Variants in ZBBX observed in about 807,000 individuals in gnomAD.
ZBBX encodes zinc finger B-box domain containing.
Under a neutral mutation model 108.5 loss-of-function variants are expected in ZBBX, and 101 were observed. The observed-to-expected ratio is 0.93, with a 90% CI of 0.79 to 1.10. ZBBX has a LOEUF of 1.10. Ranked by LOEUF, ZBBX falls within the 50% of genes least tolerant of loss-of-function variation. ZBBX has a pLI of 0.00. For synonymous variants in ZBBX, 356 were observed against 323.4 expected, an observed-to-expected ratio of 1.10 and a Z score of -1.08; for missense variants, 1,009 against 941.4, an observed-to-expected ratio of 1.07 and a Z score of -0.94.
At chr3:167,380,505 T>C (rs1038763769), upstream of ZBBX, 15 of 152,214 alleles carry the variant, frequency 9.9e-5, no homozygotes, top group South Asian at 2.1e-4. Flanking sequence ...GGAGATTATG[T>C]ATGTGCTAAA....
chr3:167,332,303 A>G (rs1303637994), intron 10 of ZBBX, among the ~76,000 whole-genome samples: 1 of 151,598 alleles, frequency 6.6e-6, no homozygotes, highest in Non-Finnish European at 1.5e-5. Flanking sequence ...ACACACACAC[A>G]CACGTCTGAA....
intron 1 of ZBBX, among the ~76,000 whole-genome samples, chr3:167,394,835 G>A (rs1406718400): frequency 3.3e-5 from 5 of 151,984 alleles, no homozygotes; most frequent in Non-Finnish European, 7.4e-5. Flanking sequence ...TGATTTAGTC[G>A]ATCCGAGGTG....
intron 9 of ZBBX, among the ~76,000 whole-genome samples, chr3:167,346,932 A>G (rs1741572827): frequency 6.6e-6 from 1 of 151,990 alleles, no homozygotes; most frequent in Non-Finnish European, 1.5e-5. Context: ...ATTGATTAAA[A>G]TCAAGAAATG....
At chr3:167,391,266 TG>T (rs1748077963) in intron 1 of ZBBX, among the ~76,000 whole-genome samples, 2 of 152,176 alleles carry the variant, frequency 1.3e-5, no homozygotes, top group Non-Finnish European at 2.9e-5. Flanking sequence ...TTATTGGTTT[TG>T]TTTATGTGAT....
chr3:167,186,914 T>C, the ZBBX span, among the ~76,000 whole-genome samples: 1 of 152,202 alleles, frequency 6.6e-6, no homozygotes, highest in African/African-American at 2.4e-5. Flanking sequence ...TTTTCTCATT[T>C]TAAATTTTAC....
At chr3:167,207,544 T>C in the ZBBX span, among the ~76,000 whole-genome samples, 3 of 152,192 alleles carry the variant, frequency 2.0e-5, no homozygotes, top group Non-Finnish European at 2.9e-5. Context: ...ATGTGGTGTA[T>C]ATATACACAA....
At chr3:167,342,561 A>T (rs1740717930) in intron 9 of ZBBX, among the ~76,000 whole-genome samples, 1 of 151,742 alleles carries the variant, frequency 6.6e-6, no homozygotes, top group Admixed American at 6.6e-5. Context: ...AACCGTAGGT[A>T]CCATGTTGTA....
chr3:167,284,511 A>C (rs1177754482), intron 19 of ZBBX, among the ~76,000 whole-genome samples: 4 of 152,192 alleles, frequency 2.6e-5, no homozygotes, highest in Non-Finnish European at 5.9e-5. Context: ...CCAAACGAAA[A>C]TACTATGAGT....
rs1577087862 is a variant in ZBBX at position 167,360,713 on chromosome 3, C to G, written c.284G>C (p.Gly95Ala). Residue 95 changes from glycine (G) to alanine (A), a missense_variant, in exon 7 of 22, where the codon GGA becomes GCA. By Grantham distance (60) the Gly-to-Ala change is moderately conservative. Transcript: ENST00000675490. ...CTTCAGCAATTTTAATTTCACTTTT[C>G]CAGCAGAAAACTGTATTAATAAAAT... ...NKGNVVKFSAGKVKLKLLKEQ... is the reference protein window; with the variant it reads ...NKGNVVKFSAAKVKLKLLKEQ... 1 of 1,389,908 alleles carries G rather than the reference C, an allele frequency of 7.2e-7. No individual in the cohort carries two copies. The highest frequency in any genetic ancestry group is 9.4e-7 in the Non-Finnish European group (1 of 1,061,676). 86.1% of individuals were successfully genotyped at this position (1,389,908 alleles called of 1,614,324 possible).
chr3:167,358,130 C>T (rs1743894148), intron 8 of ZBBX, among the ~76,000 whole-genome samples: 1 of 151,474 alleles, frequency 6.6e-6, no homozygotes, highest in Admixed American at 6.6e-5. Flanking sequence ...AACTAACCTG[C>T]ACATTGTGCA....
At chr3:167,361,856 A>T (rs1162104586) in intron 6 of ZBBX, among the ~76,000 whole-genome samples, 2 of 152,190 alleles carry the variant, frequency 1.3e-5, no homozygotes, top group Non-Finnish European at 2.9e-5. Context: ...GTTGTAGGCT[A>T]CCCTGGATGG....
At chr3:167,242,471 C>A in intron 21 of ZBBX, 34 bp downstream of exon 21, 2 of 1,557,676 alleles carry the variant, frequency 1.3e-6, no homozygotes, top group South Asian at 1.2e-5. Flanking sequence ...TTACTACATA[C>A]TATATTAATA....
In ZBBX at chr3:167,342,054, A is replaced by G. The variant is rs140160731; in HGVS notation, c.529-8069T>C. Among the ~76,000 whole-genome samples, 67 of 152,026 alleles carry G rather than the reference A, an allele frequency of 4.4e-4. No homozygotes were observed. In the East Asian group the frequency reaches 0.012, roughly 28 times the overall value. ...TAAGGAAGAAATTTCATATGAAATG[A>G]AATGAATAACATCTTTAGGTATAGA... On this transcript the variant is annotated intron_variant, in intron 9 of 21. Transcript: ENST00000675490.
rs150556291 is a variant in ZBBX at position 167,374,139 on chromosome 3, TTA to T, written c.-131-354_-131-353del. ...ATACAATCTAAACCCAATATCCTTT[TTA>T]TATATATATATGGTTATATAAAATG... On this transcript the variant is annotated intron_variant, in intron 2 of 21. Coordinates refer to ENST00000675490, the MANE Select transcript of ZBBX (RefSeq NM_001199201.2). 1.9e-3 allele frequency among the ~76,000 whole-genome samples: 292 copies of T among 151,684 alleles called. 1 individual carries two copies. The highest frequency in any genetic ancestry group is 6.9e-3 in the African/African-American group (287 of 41,388).
intron 1 of ZBBX, among the ~76,000 whole-genome samples, chr3:167,398,634 A>T (rs939525974): frequency 6.6e-6 from 1 of 152,088 alleles, no homozygotes; most frequent in African/African-American, 2.4e-5. Context: ...TACCTAAAGA[A>T]TTATGATAGC....
At chr3:167,339,186 C>T (rs1312612481) in intron 9 of ZBBX, among the ~76,000 whole-genome samples, 2 of 151,914 alleles carry the variant, frequency 1.3e-5, no homozygotes, top group Non-Finnish European at 2.9e-5. Flanking sequence ...TTTCTTACAA[C>T]TAAAGCCAAA....
chr3:167,240,834 T>C lies in ZBBX; in HGVS notation c.2479A>G (p.Lys827Glu), dbSNP rs1231595378. The C allele has an allele frequency of 6.2e-7, 1 of 1,613,638 alleles. No homozygotes were observed. The highest frequency in any genetic ancestry group is 8.5e-7 in the Non-Finnish European group (1 of 1,179,628). Residue 827 changes from lysine (K) to glutamate (E), a missense_variant, in exon 22 of 22, where the codon AAG becomes GAG. By Grantham distance (56) the Lys-to-Glu change is moderately conservative. Transcript: ENST00000675490. ...CACGGTAGTGTGATGACATGTTGCT[T>C]GTTGAGAAAATCTTCCTCCTCCTCA... ...TDEEEEDFLN[K>E]QHVITLPWSK...
At position 167,282,388 on chromosome 3, in the gene ZBBX, C is replaced by G. The variant is rs377300627; in HGVS notation, c.2104G>C (p.Ala702Pro). 3.7e-6 allele frequency: 6 copies of G among 1,614,014 alleles called. No homozygotes were observed. In the African/African-American group the frequency reaches 8.0e-5, roughly 22 times the overall value. Reference sequence around the variant, plus strand: ...GAAGCAGCTCTAGATGATGATTGAGCAGCTGCACTTCTTGATCGAGGATGA... The same window carrying G: ...GAAGCAGCTCTAGATGATGATTGAGGAGCTGCACTTCTTGATCGAGGATGA... Reference protein sequence around the residue: ...SSHPRSRSAAAQSSSRAASEI... With the variant: ...SSHPRSRSAAPQSSSRAASEI... The change falls in exon 20 of 22, where the codon GCT becomes CCT. Residue 702 changes from alanine (A) to proline (P), a missense_variant. Physicochemically the swap from Ala to Pro is conservative, Grantham distance 27. Coordinates refer to ENST00000675490, the MANE Select transcript of ZBBX (RefSeq NM_001199201.2).
chr3:167,350,429 A>C lies in ZBBX; in HGVS notation c.519T>G (p.Thr173=), dbSNP rs779860784. 3 of 1,592,216 alleles carry C rather than the reference A, an allele frequency of 1.9e-6. No homozygotes were observed. Among genetic ancestry groups the C allele is most frequent in the Non-Finnish European group, 2.6e-6 (3 of 1,166,844 alleles). The part of the protein sequence containing the change: ...QKGALKLHRT[T]LLQAKSQILF... ...TTTTAGAAAGCCATACCTGCAAAAGAGTTGTTCTGTGGAGCTTTAGTGCCC... is the reference window on the plus strand; with the variant it reads ...TTTTAGAAAGCCATACCTGCAAAAGCGTTGTTCTGTGGAGCTTTAGTGCCC... The change falls in exon 9 of 22, where the codon ACT becomes ACG. Residue 173 remains threonine (T), a synonymous_variant. Transcript: ENST00000675490.
Sources: gnomAD v4.1 joint callset for allele counts (sites outside exome capture counted in the v4.1 genomes callset) on GRCh38, gnomAD v4.1.1 for gene constraint, MANE v1.5 for transcripts, NCBI Gene and HGNC (gene_info 2026-07-23, HGNC 2026-07-21) for gene names.